Variants in NXPE4 observed in about 807,000 individuals in gnomAD.
NXPE4 encodes the protein neurexophilin and PC-esterase domain family member 4.
NXPE4 carries 42 observed loss-of-function variants against 33.3 expected under a neutral mutation model. That is an observed-to-expected ratio of 1.26 (90% CI 0.98 to 1.63). The LOEUF is 1.63. Ranked by LOEUF, NXPE4 falls within the 40% of genes most tolerant of loss-of-function variation. NXPE4 has a pLI of 0.00. For synonymous variants in NXPE4, 253 were observed against 234.9 expected (o/e 1.08, Z -0.71); for missense variants, 709 against 647.6 (o/e 1.09, Z -1.03).
chr11:114,626,193 C>T, the NXPE4 span, among the ~76,000 whole-genome samples: 2 of 152,168 alleles, frequency 1.3e-5, no homozygotes, highest in African/African-American at 4.8e-5. Flanking sequence ...GGAGGGCTGC[C>T]TGCCTCTGTA....
chr11:114,655,107 GC>G, the NXPE4 span, among the ~76,000 whole-genome samples: 1 of 151,506 alleles, frequency 6.6e-6, no homozygotes, highest in South Asian at 2.1e-4. Flanking sequence ...ATGTTTGTTT[GC>G]CACGTAAATA....
At chr11:114,633,286 A>T in the NXPE4 span, among the ~76,000 whole-genome samples, 3 of 138,784 alleles carry the variant, frequency 2.2e-5, no homozygotes, top group Non-Finnish European at 4.6e-5. Flanking sequence ...ATGTTATATT[A>T]TAAAATTCTA....
the NXPE4 span, among the ~76,000 whole-genome samples, chr11:114,606,491 G>T: frequency 1.3e-5 from 2 of 151,398 alleles, no homozygotes; most frequent in Admixed American, 6.6e-5. Flanking sequence ...TTCCTTGGTG[G>T]ATAATAAGTG....
At chr11:114,667,714 T>G in the NXPE4 span, among the ~76,000 whole-genome samples, 1 of 152,076 alleles carries the variant, frequency 6.6e-6, no homozygotes, top group African/African-American at 2.4e-5. Flanking sequence ...AGCAAAGAAC[T>G]GAGGCCTCCT....
At chr11:114,622,611 A>T in the NXPE4 span, among the ~76,000 whole-genome samples, 1 of 136,592 alleles carries the variant, frequency 7.3e-6, no homozygotes, top group Admixed American at 7.1e-5. Flanking sequence ...TCGTGGGTAA[A>T]CACTGTTACC....
the NXPE4 span, among the ~76,000 whole-genome samples, chr11:114,634,507 C>T: frequency 2.0e-5 from 3 of 152,040 alleles, no homozygotes; most frequent in Admixed American, 6.6e-5. Context: ...GTTGCTATTG[C>T]TTTTGGTGTT....
the NXPE4 span, among the ~76,000 whole-genome samples, chr11:114,657,779 A>G: frequency 6.6e-6 from 1 of 152,144 alleles, no homozygotes; most frequent in Non-Finnish European, 1.5e-5. Context: ...AGCACTTACC[A>G]TTATATTTTT....
At chr11:114,639,822 TAATA>T in the NXPE4 span, among the ~76,000 whole-genome samples, 2 of 117,470 alleles carry the variant, frequency 1.7e-5, no homozygotes, top group African/African-American at 3.5e-5. Context: ...ATATAAAATA[TAATA>T]TATATTATAT....
chr11:114,580,143 G>A lies in NXPE4; in HGVS notation c.1088C>T (p.Ala363Val). Residue 363 changes from alanine (A) to valine (V), a missense_variant, in exon 5 of 6, where the codon GCC (alanine) becomes GTC (valine). By Grantham distance (64) the Ala-to-Val change is moderately conservative (BLOSUM62 0). Coordinates refer to ENST00000375478, the MANE Select transcript of NXPE4 (RefSeq NM_001077639.2). ...AGACTGAGGCATACTGTTGATACTGGCTTTGAAGTATTCCATCCACTGGCG... is the reference window on the plus strand; with the variant it reads ...AGACTGAGGCATACTGTTGATACTGACTTTGAAGTATTCCATCCACTGGCG... ...TIRQWMEYFKASINTLKSVDL... is the reference protein window; with the variant it reads ...TIRQWMEYFKVSINTLKSVDL... 4 of 1,613,146 alleles carry A rather than the reference G, an allele frequency of 2.5e-6. No individual in the cohort carries two copies. The highest frequency in any genetic ancestry group is 3.4e-6 in the Non-Finnish European group (4 of 1,179,116).
chr11:114,659,115 C>T, the NXPE4 span, among the ~76,000 whole-genome samples: 1 of 152,182 alleles, frequency 6.6e-6, no homozygotes, highest in African/African-American at 2.4e-5. Context: ...AGTCAATGCT[C>T]CTCCCTACCT....
chr11:114,571,297 C>A lies in NXPE4; in HGVS notation c.1276G>T (p.Glu426Ter). The stretch of plus-strand genomic sequence containing the variant: ...GAAATAACAATGACAGTATTTTTTT[C>A]TCCTCCAGTTCTGTCAATGGCCCGG... ...LTRAIDRTGGEKNTVIVISLG... is the reference protein window; with the variant it reads ...LTRAIDRTGG Residue 426 changes from glutamate (E) to a stop codon, truncating the protein, a stop_gained, in exon 6 of 6, where the codon GAA becomes TAA. Transcript: ENST00000375478. LOFTEE classifies it low-confidence loss of function (END_TRUNC). 2 of 1,613,946 alleles carry A rather than the reference C, an allele frequency of 1.2e-6. No individual in the cohort carries two copies. Among genetic ancestry groups the A allele is most frequent in the Non-Finnish European group, 1.7e-6 (2 of 1,179,924 alleles).
the NXPE4 span, among the ~76,000 whole-genome samples, chr11:114,639,563 T>A: frequency 6.6e-6 from 1 of 151,016 alleles, no homozygotes; most frequent in African/African-American, 2.4e-5. Flanking sequence ...TCTGCATCGC[T>A]CAGGCCGGGA....
chr11:114,653,709 T>C, the NXPE4 span, among the ~76,000 whole-genome samples: 11,550 of 151,960 alleles, frequency 0.076, 471 homozygotes, highest in South Asian at 0.1. Flanking sequence ...TTTGTATTTT[T>C]AGTAGAGACA....
the NXPE4 span, among the ~76,000 whole-genome samples, chr11:114,636,151 G>C: frequency 6.6e-6 from 1 of 151,788 alleles, no homozygotes; most frequent in African/African-American, 2.4e-5. Flanking sequence ...GCCTGTTATT[G>C]GTCTATTCAG....
the NXPE4 span, among the ~76,000 whole-genome samples, chr11:114,614,436 C>T: frequency 9.2e-5 from 14 of 151,926 alleles, no homozygotes; most frequent in Admixed American, 9.2e-4. Context: ...TAAGTATTGC[C>T]TCGTGGGTAA....
intron 2 of NXPE4, among the ~76,000 whole-genome samples, chr11:114,589,289 G>T (rs1431266735): frequency 1.3e-5 from 2 of 152,064 alleles, no homozygotes; most frequent in African/African-American, 4.8e-5. Context: ...GGCTCCAGTG[G>T]CTCAAATTCC....
chr11:114,609,294 G>T, the NXPE4 span, among the ~76,000 whole-genome samples: 1 of 151,636 alleles, frequency 6.6e-6, no homozygotes, highest in Non-Finnish European at 1.5e-5. Flanking sequence ...TTACCCGGTG[G>T]ATAATAAGTA....
chr11:114,575,101 G>A (rs777882343), intron 5 of NXPE4, among the ~76,000 whole-genome samples: 43 of 151,964 alleles, frequency 2.8e-4, no homozygotes, highest in Admixed American at 6.6e-4. Context: ...TCACATCATC[G>A]TCTCAGCAGA....
the NXPE4 span, among the ~76,000 whole-genome samples, chr11:114,601,912 A>AATATATATTATATTTATATATATTATAT: frequency 6.1e-5 from 2 of 32,690 alleles, no homozygotes; most frequent in Non-Finnish European, 1.4e-4. Flanking sequence ...TATATTATAT[A>AATATATATTATATTTATATATATTATAT]ATTATATATA....
Sources: gnomAD v4.1 joint callset for allele counts (sites outside exome capture counted in the v4.1 genomes callset) on GRCh38, gnomAD v4.1.1 for gene constraint, MANE v1.5 for transcripts, NCBI Gene and HGNC (gene_info 2026-07-23, HGNC 2026-07-21) for gene names.